Variants in CTNNA2 observed in about 807,000 individuals in gnomAD.
CTNNA2 encodes the protein catenin alpha 2, also known as catenin alpha-2.
CTNNA2 carries 42 observed loss-of-function variants against 101.0 expected under a neutral mutation model. The ratio of observed to expected loss-of-function variants is 0.42; its 90% CI spans 0.32 to 0.54. The LOEUF (loss-of-function observed/expected upper bound fraction) is 0.54. CTNNA2 is among the 20% of genes least tolerant of loss of function. The pLI is 0.14. For synonymous variants in CTNNA2, 450 were observed against 456.4 expected (o/e 0.99, Z 0.18); for missense variants, 871 against 1,223.1 (o/e 0.71, Z 4.29).
At chr2:80,326,703 A>C (rs1670838175) in intron 7 of CTNNA2, among the ~76,000 whole-genome samples, 1 of 152,222 alleles carries the variant, frequency 6.6e-6, no homozygotes, top group Admixed American at 6.5e-5. Flanking sequence ...TGTACCACAG[A>C]AAACTTTCCA....
At chr2:79,775,511 G>T (rs543443832) in intron 3 of CTNNA2, among the ~76,000 whole-genome samples, 66 of 152,232 alleles carry the variant, frequency 4.3e-4, no homozygotes, top group Non-Finnish European at 6.8e-4. Flanking sequence ...AGGAGGTGCA[G>T]GTTTATTACA....
intron 7 of CTNNA2, among the ~76,000 whole-genome samples, chr2:79,982,718 G>A (rs58782492): frequency 0.024 from 3,644 of 151,916 alleles, 143 homozygotes; most frequent in African/African-American, 0.081. Flanking sequence ...CAGTGCTTGC[G>A]TTTTTTTCTC....
intron 2 of CTNNA2, among the ~76,000 whole-genome samples, chr2:79,689,159 A>G (rs1684125594): frequency 6.6e-6 from 1 of 151,768 alleles, no homozygotes; most frequent in African/African-American, 2.4e-5. Flanking sequence ...CATGGGCTTT[A>G]AGGCTGAGAA....
chr2:79,954,187 A>G lies in CTNNA2; in HGVS notation c.1056+44390A>G, dbSNP rs1689068806. The stretch of plus-strand genomic sequence containing the variant: ...AAACCATCAGATCACGTGAGAATTC[A>G]CTCACTATCATGAGAACAGCATGGG... On this transcript the variant is annotated intron_variant, in intron 7 of 18. Transcript: ENST00000402739. Among the ~76,000 whole-genome samples, 4 of 152,102 alleles carry G rather than the reference A, an allele frequency of 2.6e-5. No homozygotes were observed. In the South Asian group the frequency reaches 8.3e-4, roughly 32 times the overall value.
intron 7 of CTNNA2, among the ~76,000 whole-genome samples, chr2:80,212,979 A>G (rs1708001471): frequency 6.6e-6 from 1 of 152,046 alleles, no homozygotes; most frequent in African/African-American, 2.4e-5. Flanking sequence ...CATTTCTTCT[A>G]GATTTTCTAG....
Position 79,724,124 on chromosome 2 carries a change from G to A in CTNNA2, c.103-20263G>A, listed in dbSNP as rs542068016. On this transcript the variant is annotated intron_variant, in intron 2 of 18. Coordinates refer to ENST00000402739, the MANE Select transcript of CTNNA2 (RefSeq NM_001282597.3). ...GAGAAGCTGGTTTCACCAGCCAAAT[G>A]TGGAGCATCATAGTGCCTAATAGCT... Among the ~76,000 whole-genome samples the A allele has an allele frequency of 1.3e-4, 20 of 152,246 alleles. No individual in the cohort carries two copies. The South Asian group carries it at 4.2e-3, about 32-fold the overall frequency.
At chr2:79,887,713 A>G (rs1683988836) in intron 6 of CTNNA2, among the ~76,000 whole-genome samples, 1 of 152,142 alleles carries the variant, frequency 6.6e-6, no homozygotes. Flanking sequence ...ACTTTTTTGA[A>G]AAGTGGAGAC....
At position 79,704,258 on chromosome 2, in the gene CTNNA2, A is replaced by G. The variant is rs965083636; in HGVS notation, c.103-40129A>G. On this transcript the variant is annotated intron_variant, in intron 2 of 18. Transcript: ENST00000402739. ...CCTAGTGAATCTTGTGTATAAATTA[A>G]TAACATTTTTTAAATGCCAGAGACA... is the stretch of plus-strand genomic sequence containing the variant. Among the ~76,000 whole-genome samples the G allele has an allele frequency of 3.3e-5, 5 of 152,180 alleles. No individual in the cohort carries two copies. The South Asian group carries it at 8.3e-4, about 25-fold the overall frequency.
intron 7 of CTNNA2, among the ~76,000 whole-genome samples, chr2:80,278,736 A>G (rs1467033114): frequency 1.3e-5 from 2 of 152,102 alleles, no homozygotes; most frequent in Non-Finnish European, 2.9e-5. Context: ...TTCTCTTTCT[A>G]AAATAGTATT....
chr2:80,043,806 C>T (rs1225274289), intron 7 of CTNNA2, among the ~76,000 whole-genome samples: 1 of 152,176 alleles, frequency 6.6e-6, no homozygotes, highest in Non-Finnish European at 1.5e-5. Flanking sequence ...CGCAATGTAT[C>T]CAGAGAAGTG....
intron 3 of CTNNA2, among the ~76,000 whole-genome samples, chr2:79,359,286 T>C (rs1677574485): frequency 6.6e-6 from 1 of 152,126 alleles, no homozygotes; most frequent in African/African-American, 2.4e-5. Flanking sequence ...TAGGACTGAA[T>C]TCTAGAAAGC....
In CTNNA2 at chr2:80,546,023, G is replaced by T; in HGVS notation, c.1500G>T (p.Val500=). 4 of 1,614,036 alleles carry T rather than the reference G, an allele frequency of 2.5e-6. No individual in the cohort carries two copies. The highest frequency in any genetic ancestry group is 3.4e-6 in the Non-Finnish European group (4 of 1,179,998). Reference sequence around the variant, plus strand: ...AGGTCCGAGTGTTGACAGAGGCCGTGGATGACATCACCTCAGTGGATGACT... The same window carrying T: ...AGGTCCGAGTGTTGACAGAGGCCGTTGATGACATCACCTCAGTGGATGACT... ...EKQVRVLTEA[V]DDITSVDDFL... The change falls in exon 11 of 19, where the codon GTG becomes GTT. Residue 500 remains valine (V), a synonymous_variant. Transcript: ENST00000402739.
intron 7 of CTNNA2, among the ~76,000 whole-genome samples, chr2:80,208,215 T>A (rs554892909): frequency 6.6e-6 from 1 of 152,366 alleles, no homozygotes; most frequent in Non-Finnish European, 1.5e-5. Flanking sequence ...AAGATCATTA[T>A]GACTTCTTTT....
intron 7 of CTNNA2, among the ~76,000 whole-genome samples, chr2:80,207,215 A>G (rs1408782645): frequency 6.6e-6 from 1 of 152,214 alleles, no homozygotes; most frequent in African/African-American, 2.4e-5. Context: ...TTTCTTGAAC[A>G]AAGATTAATT....
chr2:80,384,889 G>A (rs1676858653), intron 7 of CTNNA2, among the ~76,000 whole-genome samples: 1 of 151,872 alleles, frequency 6.6e-6, no homozygotes, highest in East Asian at 1.9e-4. Context: ...AAGATCTCTG[G>A]TTTAATAAGA....
chr2:80,358,753 T>A (rs1191632676), intron 7 of CTNNA2, among the ~76,000 whole-genome samples: 1 of 152,164 alleles, frequency 6.6e-6, no homozygotes, highest in African/African-American at 2.4e-5. Context: ...AAATGTTATA[T>A]CTCAAGTCTA....
chr2:79,700,427 G>A (rs1161626773), intron 2 of CTNNA2, among the ~76,000 whole-genome samples: 1 of 152,066 alleles, frequency 6.6e-6, no homozygotes, highest in Non-Finnish European at 1.5e-5. Flanking sequence ...TGCCAAGAGA[G>A]TCAGGCTTCA....
chr2:79,601,987 T>G, intron 1 of CTNNA2, among the ~76,000 whole-genome samples: 1 of 152,224 alleles, frequency 6.6e-6, no homozygotes, highest in East Asian at 1.9e-4. Context: ...CAAAGCCTGT[T>G]TTTAAAATAC....
chr2:80,035,726 A>G (rs1211425151), intron 7 of CTNNA2, among the ~76,000 whole-genome samples: 1 of 152,202 alleles, frequency 6.6e-6, no homozygotes, highest in Non-Finnish European at 1.5e-5. Flanking sequence ...ATGAAATTTG[A>G]TTTGCACAAG....
Sources: allele counts gnomAD v4.1 joint callset (sites outside exome capture counted in the v4.1 genomes callset), GRCh38; gene constraint gnomAD v4.1.1; transcripts MANE v1.5; gene names NCBI Gene and HGNC (gene_info 2026-07-23, HGNC 2026-07-21).